Variants in PLPP1 observed in about 807,000 individuals in gnomAD.
The protein encoded by PLPP1 is phospholipid phosphatase 1.
Under a neutral mutation model 31.2 loss-of-function variants are expected in PLPP1, and 24 were observed. The ratio of observed to expected loss-of-function variants is 0.77; its 90% CI spans 0.56 to 1.08. The LOEUF is 1.08. Among genes scored for constraint, PLPP1 ranks in the 50% least tolerant of loss-of-function variants. The probability of loss-of-function intolerance (pLI) is 0.00; values close to 1 mark genes in which losing one functional copy is unlikely to be tolerated. For missense variants in PLPP1, 319 were observed against 342.7 expected, an observed-to-expected ratio of 0.93 and a Z score of 0.55; for synonymous variants, 146 against 126.3, an observed-to-expected ratio of 1.16 and a Z score of -1.05.
intron 3 of PLPP1, among the ~76,000 whole-genome samples, chr5:55,448,416 G>A (rs1331874163): frequency 6.7e-6 from 1 of 149,850 alleles, no homozygotes; most frequent in Non-Finnish European, 1.5e-5. Flanking sequence ...CAACACTGCC[G>A]GAAACTCAAG....
intron 1 of PLPP1, among the ~76,000 whole-genome samples, chr5:55,511,092 T>C (rs1753394661): frequency 6.6e-6 from 1 of 152,218 alleles, no homozygotes; most frequent in East Asian, 1.9e-4. Flanking sequence ...ATAAAATGTG[T>C]CTATGTATCT....
At chr5:55,477,911 T>C (rs1209993750) in intron 1 of PLPP1, among the ~76,000 whole-genome samples, 5 of 149,686 alleles carry the variant, frequency 3.3e-5, no homozygotes, top group African/African-American at 9.9e-5. Context: ...ACCCAGGAGG[T>C]AGAGGTTGCA....
At chr5:55,462,515 CAAAT>C (rs1490009315) in intron 3 of PLPP1, among the ~76,000 whole-genome samples, 3 of 151,834 alleles carry the variant, frequency 2.0e-5, no homozygotes, top group South Asian at 2.1e-4. Context: ...CAATACTAAA[CAAAT>C]AAATCATAAA....
chr5:55,527,504 C>T (rs1740501096), intron 1 of PLPP1, among the ~76,000 whole-genome samples: 1 of 152,138 alleles, frequency 6.6e-6, no homozygotes, highest in Non-Finnish European at 1.5e-5. Flanking sequence ...TTTGCATTTG[C>T]CATTAAGGAC....
intron 1 of PLPP1, among the ~76,000 whole-genome samples, chr5:55,502,599 T>C (rs1753172175): frequency 6.6e-6 from 1 of 152,242 alleles, no homozygotes; most frequent in African/African-American, 2.4e-5. Flanking sequence ...GACTGAACTT[T>C]CAATTGTATT....
chr5:55,454,648 G>A (rs150975610), intron 3 of PLPP1, among the ~76,000 whole-genome samples: 139 of 152,314 alleles, frequency 9.1e-4, no homozygotes, highest in Middle Eastern at 3.4e-3. Context: ...CTGGAAAGAG[G>A]TACTGATCTT....
chr5:55,447,910 C>CA (rs1202639652), intron 3 of PLPP1, among the ~76,000 whole-genome samples: 5 of 151,204 alleles, frequency 3.3e-5, no homozygotes, highest in South Asian at 2.1e-4. Context: ...ACTCTAAATG[C>CA]AAAAAAAAGG....
intron 4 of PLPP1, among the ~76,000 whole-genome samples, chr5:55,433,270 G>A (rs1351083982): frequency 6.6e-6 from 1 of 150,796 alleles, no homozygotes; most frequent in East Asian, 2.0e-4. Context: ...AGGTTGCAGT[G>A]AGCTGAGATC....
At chr5:55,435,303 C>T (rs1751466202) in intron 4 of PLPP1, among the ~76,000 whole-genome samples, 1 of 152,084 alleles carries the variant, frequency 6.6e-6, no homozygotes, top group South Asian at 2.1e-4. Flanking sequence ...ATAAATTAGT[C>T]CAGCCACCAG....
chr5:55,429,053 A>G (rs979041208), intron 4 of PLPP1, among the ~76,000 whole-genome samples: 2 of 152,150 alleles, frequency 1.3e-5, no homozygotes, highest in Non-Finnish European at 2.9e-5. Context: ...TACACCAGGC[A>G]TCACCCAGAG....
chr5:55,477,757 A>G (rs1752586855), intron 1 of PLPP1, among the ~76,000 whole-genome samples: 1 of 152,104 alleles, frequency 6.6e-6, no homozygotes, highest in African/African-American at 2.4e-5. Flanking sequence ...TCTACAAAGC[A>G]TATTTCTGAA....
At chr5:55,510,055 C>T (rs376556750) in intron 1 of PLPP1, among the ~76,000 whole-genome samples, 1 of 152,082 alleles carries the variant, frequency 6.6e-6, no homozygotes, top group African/African-American at 2.4e-5. Context: ...GGCCACTTAT[C>T]GGGAAACTAT....
chr5:55,425,635 A>G, intron 5 of PLPP1: 1 of 470,514 alleles, frequency 2.1e-6, no homozygotes, highest in South Asian at 5.5e-5. Context: ...TTCTAGCCAG[A>G]GCCTTTCACA....
At chr5:55,448,711 G>A (rs1224184032) in intron 3 of PLPP1, among the ~76,000 whole-genome samples, 1 of 152,090 alleles carries the variant, frequency 6.6e-6, no homozygotes, top group Admixed American at 6.5e-5. Context: ...GCCTCCCAGA[G>A]TGTTGGGATT....
At chr5:55,472,933 A>C (rs1481832278) in intron 2 of PLPP1, among the ~76,000 whole-genome samples, 1 of 152,202 alleles carries the variant, frequency 6.6e-6, no homozygotes, top group Non-Finnish European at 1.5e-5. Context: ...GCAGCCCTCC[A>C]GGCTAGAGCA....
intron 1 of PLPP1, among the ~76,000 whole-genome samples, chr5:55,510,683 C>T (rs955035651): frequency 6.6e-6 from 1 of 152,196 alleles, no homozygotes; most frequent in African/African-American, 2.4e-5. Flanking sequence ...TTCCATTCAG[C>T]TACTGGTGGA....
intron 1 of PLPP1, among the ~76,000 whole-genome samples, chr5:55,493,314 CAAAA>C (rs572344012): frequency 7.7e-5 from 8 of 103,870 alleles, no homozygotes; most frequent in Non-Finnish European, 1.2e-4. Flanking sequence ...GACCCTGTCT[CAAAA>C]AAAAAAAAAA....
intron 1 of PLPP1, among the ~76,000 whole-genome samples, chr5:55,492,948 T>C (rs1467437090): frequency 1.3e-5 from 2 of 152,094 alleles, no homozygotes; most frequent in African/African-American, 4.8e-5. Flanking sequence ...CAGGTTAGAA[T>C]ATGATTGGGA....
intron 1 of PLPP1, among the ~76,000 whole-genome samples, chr5:55,523,765 T>C (rs1753723357): frequency 6.6e-6 from 1 of 152,182 alleles, no homozygotes; most frequent in Admixed American, 6.5e-5. Flanking sequence ...CAACACCTGC[T>C]CCTCCCTATG....
Sources: gnomAD v4.1 joint callset for allele counts (sites outside exome capture counted in the v4.1 genomes callset) on GRCh38, gnomAD v4.1.1 for gene constraint, MANE v1.5 for transcripts, NCBI Gene and HGNC (gene_info 2026-07-23, HGNC 2026-07-21) for gene names.